OXCT1: variants seen among roughly 807,000 people sequenced by gnomAD.
OXCT1 encodes succinyl-CoA:3-ketoacid coenzyme A transferase 1, mitochondrial.
A neutral mutation model predicts 69.6 loss-of-function variants in OXCT1; 27 were observed. The ratio of observed to expected loss-of-function variants is 0.39; its 90% CI spans 0.29 to 0.54. The LOEUF (loss-of-function observed/expected upper bound fraction) is 0.54, where lower values mean the gene tolerates loss of function less well. OXCT1 is among the 20% of genes least tolerant of loss of function. The pLI, the probability that OXCT1 is intolerant of heterozygous loss-of-function variation, is 0.72. For synonymous variants in OXCT1, 202 were observed against 217.8 expected, an observed-to-expected ratio of 0.93 and a Z score of 0.64; for missense variants, 437 against 650.2, an observed-to-expected ratio of 0.67 and a Z score of 3.57.
intron 1 of OXCT1, among the ~76,000 whole-genome samples, chr5:41,866,896 C>T (rs1750005596): frequency 6.6e-6 from 1 of 152,126 alleles, no homozygotes; most frequent in African/African-American, 2.4e-5. Flanking sequence ...CTTGTCAGGA[C>T]AGTGATTCCA....
chr5:41,754,361 G>A (rs1271793081), intron 14 of OXCT1, among the ~76,000 whole-genome samples: 2 of 151,902 alleles, frequency 1.3e-5, no homozygotes, highest in African/African-American at 4.8e-5. Context: ...ACAATAATGG[G>A]AAATGCTGTA....
At position 41,731,673 on chromosome 5, in the gene OXCT1, T is replaced by C; in HGVS notation, c.*56A>G. 6.4e-7 allele frequency: 1 copy of C among 1,567,966 alleles called. No individual in the cohort carries two copies. The highest frequency in any genetic ancestry group is 8.7e-7 in the Non-Finnish European group (1 of 1,154,324). On this transcript the variant is annotated 3_prime_UTR_variant, in exon 17 of 17. Coordinates refer to ENST00000196371, the MANE Select transcript of OXCT1 (RefSeq NM_000436.4). ...ATTATGATTATTGATGTCCTTTCAA[T>C]TAAATCTTGTGTGTTTAAAATGAAA...
chr5:41,745,145 TG>T (rs1743403929), intron 15 of OXCT1, among the ~76,000 whole-genome samples: 1 of 152,072 alleles, frequency 6.6e-6, no homozygotes, highest in Non-Finnish European at 1.5e-5. Context: ...ATCACATAGT[TG>T]GAAGTAAAGC....
rs374182094 is a variant in OXCT1, at chr5:41,767,612, T to C, written c.1249-5412A>G. On this transcript the variant is annotated intron_variant, in intron 13 of 16. Transcript: ENST00000196371. ...ATCTTGTTTCTGCTTGACTGTGCCC[T>C]TGAAGTGAGAACTCTACTCAGTCAC... Among the ~76,000 whole-genome samples the C allele has an allele frequency of 1.9e-4, 29 of 150,730 alleles. No individual in the cohort carries two copies. In the East Asian group the frequency reaches 4.9e-3, roughly 25 times the overall value.
intron 7 of OXCT1, among the ~76,000 whole-genome samples, chr5:41,829,113 T>C (rs1747963769): frequency 6.6e-6 from 1 of 152,194 alleles, no homozygotes; most frequent in Non-Finnish European, 1.5e-5. Context: ...TAGGAAGTTC[T>C]ATATTAGAGA....
rs1296186474 is a variant in OXCT1, at chr5:41,846,466, A to C, written c.564+3564T>G. 7.0e-3 allele frequency among the ~76,000 whole-genome samples: 1,029 copies of C among 147,340 alleles called. 14 individuals are homozygous for C. Among genetic ancestry groups the C allele is most frequent in the African/African-American group, 0.024 (960 of 40,232 alleles). On this transcript the variant is annotated intron_variant, in intron 5 of 16. Transcript: ENST00000196371. ...TCCCTACAAAGGACATGAACTCATC[A>C]TTTTTTATGGCTGCATAGTATTCCA...
At chr5:41,823,668 A>G (rs1425517170) in intron 7 of OXCT1, among the ~76,000 whole-genome samples, 7 of 152,194 alleles carry the variant, frequency 4.6e-5, no homozygotes, top group Non-Finnish European at 8.8e-5. Flanking sequence ...TGGGTGTGGC[A>G]ACTTCCAACC....
intron 7 of OXCT1, among the ~76,000 whole-genome samples, chr5:41,826,722 C>G (rs562504367): frequency 6.6e-6 from 1 of 152,254 alleles, no homozygotes; most frequent in Admixed American, 6.5e-5. Context: ...TTCCATAACC[C>G]TAACTCAAGT....
At chr5:41,842,263 T>C (rs1448353102) in intron 6 of OXCT1, among the ~76,000 whole-genome samples, 1 of 152,194 alleles carries the variant, frequency 6.6e-6, no homozygotes, top group East Asian at 1.9e-4. Flanking sequence ...CTGACCCCAA[T>C]GATTATTAGC....
chr5:41,785,788 T>G (rs868307766), intron 13 of OXCT1, among the ~76,000 whole-genome samples: 10 of 152,102 alleles, frequency 6.6e-5, no homozygotes, highest in Non-Finnish European at 1.3e-4. Flanking sequence ...TAGCAAAGGT[T>G]TTGTATGAAG....
chr5:41,865,505 T>C (rs1749923013), intron 1 of OXCT1, among the ~76,000 whole-genome samples: 1 of 152,214 alleles, frequency 6.6e-6, no homozygotes, highest in African/African-American at 2.4e-5. Context: ...TATTCATATA[T>C]TCAGTTAACA....
At chr5:41,767,515 A>G (rs547244472) in intron 13 of OXCT1, among the ~76,000 whole-genome samples, 66 of 151,610 alleles carry the variant, frequency 4.4e-4, no homozygotes, top group African/African-American at 1.5e-3. Context: ...TATGTCATCA[A>G]TTAGCCCCAT....
At chr5:41,741,627 A>G (rs1032702347) in intron 15 of OXCT1, among the ~76,000 whole-genome samples, 1 of 152,014 alleles carries the variant, frequency 6.6e-6, no homozygotes, top group Non-Finnish European at 1.5e-5. Context: ...ATGATTATTG[A>G]CTCCAGCTGA....
At chr5:41,736,436 A>T (rs1561350538) in intron 16 of OXCT1, among the ~76,000 whole-genome samples, 2 of 152,242 alleles carry the variant, frequency 1.3e-5, no homozygotes, top group Admixed American at 6.5e-5. Context: ...TCATGTGATT[A>T]AAAATCATAT....
chr5:41,730,287 C>T lies in OXCT1; in HGVS notation c.*1442G>A, dbSNP rs1250663461. The T allele has an allele frequency of 1.3e-5, 2 of 152,082 alleles. No individual in the cohort carries two copies. Among genetic ancestry groups the T allele is most frequent in the African/African-American group, 4.8e-5 (2 of 41,426 alleles). 9.4% of individuals were successfully genotyped at this position (152,082 alleles called of 1,614,324 possible). Reference sequence around the variant, plus strand: ...CATTCTAAGAAGGGTCATTTTTTCCCCCCAGTACTGGGAAGGTATGCATTT... The same window carrying T: ...CATTCTAAGAAGGGTCATTTTTTCCTCCCAGTACTGGGAAGGTATGCATTT... On this transcript the variant is annotated 3_prime_UTR_variant, in exon 17 of 17. Coordinates refer to ENST00000196371, the MANE Select transcript of OXCT1 (RefSeq NM_000436.4).
At chr5:41,776,507 C>T (rs895513990) in intron 13 of OXCT1, among the ~76,000 whole-genome samples, 1 of 152,184 alleles carries the variant, frequency 6.6e-6, no homozygotes, top group Non-Finnish European at 1.5e-5. Context: ...TCTCAGATTT[C>T]CCTCAGTAAG....
intron 7 of OXCT1, among the ~76,000 whole-genome samples, chr5:41,830,922 T>C (rs1431584320): frequency 1.3e-5 from 2 of 152,238 alleles, no homozygotes; most frequent in African/African-American, 4.8e-5. Flanking sequence ...GATACATTAA[T>C]TGGCCTGCTT....
intron 16 of OXCT1, among the ~76,000 whole-genome samples, chr5:41,738,396 C>T (rs115026599): frequency 3.9e-5 from 6 of 152,064 alleles, no homozygotes; most frequent in Non-Finnish European, 8.8e-5. Context: ...TTTTCACATG[C>T]TGTTCTTGTG....
At chr5:41,759,877 C>T (rs1406227154) in intron 14 of OXCT1, among the ~76,000 whole-genome samples, 7 of 152,044 alleles carry the variant, frequency 4.6e-5, no homozygotes, top group African/African-American at 1.4e-4. Context: ...GAATACAAGA[C>T]TATATTTCTC....
Sources: gnomAD v4.1 joint callset for allele counts (sites outside exome capture counted in the v4.1 genomes callset) on GRCh38, gnomAD v4.1.1 for gene constraint, MANE v1.5 for transcripts, NCBI Gene and HGNC (gene_info 2026-07-23, HGNC 2026-07-21) for gene names.